Variants in OR51B5 observed in about 807,000 individuals in gnomAD.
OR51B5 encodes the protein olfactory receptor family 51 subfamily B member 5, also known as olfactory receptor 51B5.
For synonymous variants in OR51B5, 186 were observed against 144.8 expected (o/e 1.28, Z -2.04); for missense variants, 456 against 374.6 (o/e 1.22, Z -1.79).
intron 1 of OR51B5, among the ~76,000 whole-genome samples, chr11:5,504,548 T>C (rs1363358130): frequency 6.6e-6 from 1 of 152,176 alleles, no homozygotes; most frequent in Non-Finnish European, 1.5e-5. Context: ...TGGGAAGTCC[T>C]AGGAGGCCTG....
At chr11:5,431,043 G>C in intron 1 of OR51B5, 1 of 456,690 alleles carries the variant, frequency 2.2e-6, no homozygotes, top group Non-Finnish European at 4.4e-6. Flanking sequence ...AAGGCAGCTG[G>C]ATCAGATCTG....
chr11:5,414,317 A>G (rs11037354), intron 1 of OR51B5, among the ~76,000 whole-genome samples: 52,860 of 137,142 alleles, frequency 0.39, 11,075 homozygotes, highest in Non-Finnish European at 0.47. Flanking sequence ...GGTACCAGCC[A>G]CTGCAAAATC....
intron 1 of OR51B5, among the ~76,000 whole-genome samples, chr11:5,376,587 G>A (rs1235126512): frequency 6.6e-6 from 1 of 152,048 alleles, no homozygotes; most frequent in Non-Finnish European, 1.5e-5. Context: ...AGAAAAGAGA[G>A]AAGAATCAAA....
chr11:5,434,957 T>A (rs980587907), intron 1 of OR51B5, among the ~76,000 whole-genome samples: 8 of 152,122 alleles, frequency 5.3e-5, no homozygotes, highest in Admixed American at 6.6e-5. Context: ...GTTATCTTTA[T>A]TTTTCCAGGC....
chr11:5,404,852 C>T (rs960893281), intron 1 of OR51B5, among the ~76,000 whole-genome samples: 5 of 152,150 alleles, frequency 3.3e-5, no homozygotes, highest in Non-Finnish European at 7.3e-5. Flanking sequence ...CAAAGGTCTG[C>T]GGCTTTACTC....
intron 1 of OR51B5, among the ~76,000 whole-genome samples, chr11:5,482,662 A>G (rs1256278117): frequency 8.1e-5 from 9 of 110,806 alleles, no homozygotes; most frequent in Admixed American, 2.9e-4. Context: ...ATTTACAGGA[A>G]AAAAACAAAC....
chr11:5,447,150 A>G (rs1850779001), intron 1 of OR51B5, among the ~76,000 whole-genome samples: 1 of 152,194 alleles, frequency 6.6e-6, no homozygotes, highest in African/African-American at 2.4e-5. Flanking sequence ...GAGGCTAACA[A>G]AATGTGCTTC....
At chr11:5,388,667 A>G (rs1226860076) in intron 1 of OR51B5, among the ~76,000 whole-genome samples, 1 of 151,456 alleles carries the variant, frequency 6.6e-6, no homozygotes, top group Non-Finnish European at 1.5e-5. Context: ...AGGGTCTTGA[A>G]TGTCATTTTA....
At chr11:5,464,277 A>G (rs889623541) in intron 1 of OR51B5, among the ~76,000 whole-genome samples, 2 of 152,248 alleles carry the variant, frequency 1.3e-5, no homozygotes, top group African/African-American at 4.8e-5. Context: ...TGAGAATTAG[A>G]AAGTTAAGGT....
intron 1 of OR51B5, among the ~76,000 whole-genome samples, chr11:5,503,344 T>C (rs982462602): frequency 1.3e-5 from 2 of 152,186 alleles, no homozygotes; most frequent in Non-Finnish European, 2.9e-5. Flanking sequence ...AAAACTGTCA[T>C]TCAAAATAAC....
intron 1 of OR51B5, among the ~76,000 whole-genome samples, chr11:5,470,627 A>G (rs1437907057): frequency 6.6e-6 from 1 of 152,178 alleles, no homozygotes; most frequent in Non-Finnish European, 1.5e-5. Context: ...CTTTATGTCA[A>G]TTATCATGTT....
chr11:5,478,352 C>T (rs1401315736), intron 1 of OR51B5, among the ~76,000 whole-genome samples: 1 of 150,090 alleles, frequency 6.7e-6, no homozygotes, highest in Non-Finnish European at 1.5e-5. Context: ...ACACCAAAAA[C>T]CCATCTGTAC....
chr11:5,453,870 G>A, intron 1 of OR51B5: 1 of 1,614,212 alleles, frequency 6.2e-7, no homozygotes, highest in Non-Finnish European at 8.5e-7. Flanking sequence ...GGCCATTTGT[G>A]ACCCCTTGCG....
chr11:5,342,846 C>T (rs1355562501), exon 1 of OR51B5: 3 of 1,613,118 alleles, frequency 1.9e-6, no homozygotes, highest in Non-Finnish European at 2.5e-6. Flanking sequence ...TCTCTGGAGG[C>T]AATGCTCAGG....
intron 1 of OR51B5, among the ~76,000 whole-genome samples, chr11:5,443,652 T>C (rs1850725123): frequency 6.6e-6 from 1 of 152,056 alleles, no homozygotes; most frequent in South Asian, 2.1e-4. Flanking sequence ...GTCTAGAAAG[T>C]AATATTTTAT....
intron 1 of OR51B5, among the ~76,000 whole-genome samples, chr11:5,486,344 C>T (rs1263396027): frequency 6.6e-6 from 1 of 152,082 alleles, no homozygotes; most frequent in Non-Finnish European, 1.5e-5. Flanking sequence ...TAAGCTCTTT[C>T]ACGGCAGGGA....
intron 1 of OR51B5, among the ~76,000 whole-genome samples, chr11:5,477,152 G>A (rs960882227): frequency 6.6e-6 from 1 of 152,180 alleles, no homozygotes; most frequent in Non-Finnish European, 1.5e-5. Context: ...TTTCATGGCT[G>A]TATACTTATA....
intron 1 of OR51B5, among the ~76,000 whole-genome samples, chr11:5,368,934 C>T (rs1363453421): frequency 2.0e-5 from 3 of 151,970 alleles, no homozygotes; most frequent in African/African-American, 4.8e-5. Context: ...TTTTTCTTTC[C>T]GGATCATGCT....
intron 1 of OR51B5, among the ~76,000 whole-genome samples, chr11:5,371,768 G>C (rs1213614326): frequency 2.0e-5 from 3 of 151,878 alleles, no homozygotes; most frequent in Non-Finnish European, 4.4e-5. Context: ...CTTTGTGTAA[G>C]GGCATCTAAC....
Sources: gnomAD v4.1 joint callset for allele counts (sites outside exome capture counted in the v4.1 genomes callset) on GRCh38, gnomAD v4.1.1 for gene constraint, MANE v1.5 for transcripts, NCBI Gene and HGNC (gene_info 2026-07-23, HGNC 2026-07-21) for gene names.